FSHR: variants seen among roughly 807,000 people sequenced by gnomAD.
FSHR encodes the protein follicle-stimulating hormone receptor.
FSHR carries 46 observed loss-of-function variants against 52.1 expected under a neutral mutation model. That is an observed-to-expected ratio of 0.88 (90% CI 0.70 to 1.13). The LOEUF (loss-of-function observed/expected upper bound fraction) is 1.13. Ranked by LOEUF, FSHR falls within the 50% of genes most tolerant of loss-of-function variation. FSHR has a pLI of 0.00. For missense variants in FSHR, 964 were observed against 834.6 expected (o/e 1.16, Z -1.91); for synonymous variants, 399 against 309.6 (o/e 1.29, Z -3.03).
chr2:49,014,284 C>T (rs999750369), intron 4 of FSHR, among the ~76,000 whole-genome samples: 4 of 152,208 alleles, frequency 2.6e-5, no homozygotes, highest in Middle Eastern at 3.4e-3. Context: ...GCCCTGAGAA[C>T]AATAATCTTC....
chr2:49,123,769 A>T (rs917779449), intron 1 of FSHR, among the ~76,000 whole-genome samples: 18 of 152,144 alleles, frequency 1.2e-4, no homozygotes, highest in African/African-American at 4.3e-4. Context: ...CAGTAGAAGC[A>T]CTGGGAGAGG....
chr2:48,997,138 GGTCTCTCTAGCT>G, intron 4 of FSHR: 1 of 788,316 alleles, frequency 1.3e-6, no homozygotes, highest in East Asian at 1.3e-4. Flanking sequence ...GGGTTCCAGT[GGTCTCTCTAGCT>G]TCTGGATAAC....
chr2:49,029,988 G>T (rs546252331), intron 2 of FSHR, among the ~76,000 whole-genome samples: 24 of 152,332 alleles, frequency 1.6e-4, no homozygotes, highest in Admixed American at 1.5e-3. Context: ...GTGAGGCGGG[G>T]CTCCATGCCG....
At chr2:49,047,356 A>G (rs1668699790) in intron 2 of FSHR, among the ~76,000 whole-genome samples, 1 of 152,260 alleles carries the variant, frequency 6.6e-6, no homozygotes, top group Non-Finnish European at 1.5e-5. Flanking sequence ...AATTTTCAAC[A>G]TTCAGTAAAG....
chr2:49,082,124 C>A (rs1470305442), intron 1 of FSHR, among the ~76,000 whole-genome samples: 1 of 152,174 alleles, frequency 6.6e-6, no homozygotes, highest in East Asian at 1.9e-4. Context: ...TTGAAGAGAG[C>A]AGTGGTTCTC....
chr2:49,019,529 G>C (rs1572641634), intron 3 of FSHR, among the ~76,000 whole-genome samples: 2 of 152,154 alleles, frequency 1.3e-5, no homozygotes, highest in Admixed American at 1.3e-4. Context: ...AGGAACCAAG[G>C]ATCATTATAA....
intron 6 of FSHR, among the ~76,000 whole-genome samples, chr2:48,987,837 A>AAG (rs370842104): frequency 1.4e-5 from 2 of 146,040 alleles, no homozygotes; most frequent in African/African-American, 5.1e-5. Context: ...ACCTCATCTC[A>AAG]ACACACACAC....
chr2:49,089,918 C>T (rs1210430297), intron 1 of FSHR, among the ~76,000 whole-genome samples: 1 of 152,128 alleles, frequency 6.6e-6, no homozygotes, highest in Non-Finnish European at 1.5e-5. Flanking sequence ...CGTGTACATT[C>T]TAGCTAGCAG....
At position 48,962,661 on chromosome 2, in the gene FSHR, T is replaced by C; in HGVS notation, c.*72A>G. The C allele has an allele frequency of 1.4e-6, 2 of 1,452,724 alleles. No homozygotes were observed. The highest frequency in any genetic ancestry group is 1.9e-6 in the Non-Finnish European group (2 of 1,035,920). The allele number at this position is 1,452,724 out of a possible 1,614,324, so 90.0% of individuals were successfully genotyped here. ...TGAAATGTGTAGAAGCACTGTCAGC[T>C]CTTTGTGACATACCCTTCAAAGGCA... On this transcript the variant is annotated 3_prime_UTR_variant, in exon 10 of 10. Transcript: ENST00000406846.
At chr2:49,089,143 A>T (rs1670506079) in intron 1 of FSHR, among the ~76,000 whole-genome samples, 3 of 149,456 alleles carry the variant, frequency 2.0e-5, no homozygotes, top group African/African-American at 5.0e-5. Context: ...GGAATGATTT[A>T]TTTAATTATT....
In FSHR at chr2:49,154,114, T is replaced by C. The variant is rs7589810; in HGVS notation, c.152+152A>G. 0.15 allele frequency: 119,446 copies of C among 791,094 alleles called. 9,548 individuals are homozygous for C. The highest frequency in any genetic ancestry group is 0.24 in the East Asian group (9,100 of 37,200). 49.0% of individuals were successfully genotyped at this position (791,094 alleles called of 1,614,324 possible). ...TCTTGGAAAGCCACAGGCAGGAGGG[T>C]TGGGCTGGGGAGTTAGTTGTTTTAT... is the stretch of plus-strand genomic sequence containing the variant. On this transcript the variant is annotated intron_variant, in intron 1 of 9. Transcript: ENST00000406846.
At chr2:49,077,998 C>A (rs564676662) in intron 1 of FSHR, among the ~76,000 whole-genome samples, 1 of 152,144 alleles carries the variant, frequency 6.6e-6, no homozygotes, top group Admixed American at 6.6e-5. Flanking sequence ...TGTTTCCAAC[C>A]TCTGCCTGTT....
chr2:49,031,448 A>T (rs1221559146), intron 2 of FSHR, among the ~76,000 whole-genome samples: 1 of 152,192 alleles, frequency 6.6e-6, no homozygotes, highest in African/African-American at 2.4e-5. Context: ...TCCTAGATTT[A>T]TTTTCCTACA....
chr2:49,055,013 T>A (rs1669005774), intron 2 of FSHR, among the ~76,000 whole-genome samples: 1 of 152,000 alleles, frequency 6.6e-6, no homozygotes, highest in African/African-American at 2.4e-5. Flanking sequence ...AGGAACACAG[T>A]GACTCTCCAG....
chr2:49,003,074 T>C (rs568737532), intron 4 of FSHR, among the ~76,000 whole-genome samples: 8 of 152,240 alleles, frequency 5.3e-5, no homozygotes, highest in African/African-American at 1.9e-4. Flanking sequence ...GAACTAGATG[T>C]TATTTGTGGA....
At chr2:49,124,159 ATTT>A (rs5831025) in intron 1 of FSHR, among the ~76,000 whole-genome samples, 14 of 140,956 alleles carry the variant, frequency 9.9e-5, no homozygotes, top group Admixed American at 2.1e-4. Context: ...CGTCCGGCTA[ATTT>A]TTTTTTTTTT....
chr2:49,026,931 G>A (rs1667930189), intron 2 of FSHR, among the ~76,000 whole-genome samples: 1 of 152,082 alleles, frequency 6.6e-6, no homozygotes, highest in Non-Finnish European at 1.5e-5. Flanking sequence ...GGTGCCCTCT[G>A]AGACCAGCAT....
chr2:48,965,496 T>A (rs1674432772), intron 9 of FSHR, among the ~76,000 whole-genome samples: 1 of 152,212 alleles, frequency 6.6e-6, no homozygotes. Flanking sequence ...AGCTCCATAA[T>A]GGGTATAGAG....
At chr2:49,060,890 C>G (rs144206874) in intron 2 of FSHR, among the ~76,000 whole-genome samples, 2 of 152,118 alleles carry the variant, frequency 1.3e-5, no homozygotes, top group South Asian at 2.1e-4. Flanking sequence ...TGTAAAGAGT[C>G]TAGAATGCTG....
Sources: gnomAD v4.1 joint callset for allele counts (sites outside exome capture counted in the v4.1 genomes callset) on GRCh38, gnomAD v4.1.1 for gene constraint, MANE v1.5 for transcripts, NCBI Gene and HGNC (gene_info 2026-07-23, HGNC 2026-07-21) for gene names.